Variants in C16orf46 observed in about 807,000 individuals in gnomAD.
C16orf46 encodes the protein uncharacterized protein C16orf46.
A neutral mutation model predicts 5.5 loss-of-function variants in C16orf46; 7 were observed. That is an observed-to-expected ratio of 1.28 (90% CI 0.73 to 2.40). The LOEUF (loss-of-function observed/expected upper bound fraction) is 2.40. Among genes scored for constraint, C16orf46 ranks in the 30% most tolerant of loss-of-function variants. The pLI is 0.00. For missense variants in C16orf46, 614 were observed against 476.0 expected (o/e 1.29, Z -2.70); for synonymous variants, 200 against 184.1 (o/e 1.09, Z -0.70).
intron 2 of C16orf46, among the ~76,000 whole-genome samples, chr16:81,064,671 C>T (rs1020171410): frequency 2.2e-4 from 34 of 151,694 alleles, no homozygotes; most frequent in Non-Finnish European, 3.8e-4. Flanking sequence ...CACTTGAATC[C>T]GGGAGGTGGA....
At chr16:81,054,078 A>T in exon 4 of C16orf46, 1 of 1,612,614 alleles carries the variant, frequency 6.2e-7, no homozygotes, top group South Asian at 1.1e-5. Context: ...CTCCTACTTT[A>T]TCTTCTTTTT....
chr16:81,056,991 G>A (rs1971315932), downstream of C16orf46, among the ~76,000 whole-genome samples: 1 of 152,144 alleles, frequency 6.6e-6, no homozygotes, highest in African/African-American at 2.4e-5. Context: ...CCCTAAAGGG[G>A]CATTTGGGAA....
At chr16:81,072,659 TA>T (rs1971896485) in intron 1 of C16orf46, among the ~76,000 whole-genome samples, 1 of 152,072 alleles carries the variant, frequency 6.6e-6, no homozygotes, top group Non-Finnish European at 1.5e-5. Context: ...GCTGGGATTA[TA>T]GGCGTGAGCC....
chr16:81,075,689 T>G (rs938817510), intron 1 of C16orf46, among the ~76,000 whole-genome samples: 1 of 152,090 alleles, frequency 6.6e-6, no homozygotes, highest in African/African-American at 2.4e-5. Flanking sequence ...GCAGGAAAAA[T>G]TTCTGGGGTT....
rs1299295240 is a variant in C16orf46, at chr16:81,063,973, A to G, written c.-18T>C. 4 of 1,564,496 alleles carry G rather than the reference A, an allele frequency of 2.6e-6. No individual in the cohort carries two copies. The highest frequency in any genetic ancestry group is 1.7e-6 in the Non-Finnish European group (2 of 1,144,804). Reference sequence around the variant, plus strand: ...AGATCCATTACTGTGATGCTTGCTTAAAGTTTTTAACATCTTCTTGCTGTT... The same window carrying G: ...AGATCCATTACTGTGATGCTTGCTTGAAGTTTTTAACATCTTCTTGCTGTT... On this transcript the variant is annotated 5_prime_UTR_variant, in exon 3 of 4. Coordinates refer to ENST00000299578, the MANE Select transcript of C16orf46 (RefSeq NM_152337.3).
intron 1 of C16orf46, among the ~76,000 whole-genome samples, chr16:81,068,652 G>C (rs560309682): frequency 2.2e-5 from 3 of 133,358 alleles, no homozygotes; most frequent in South Asian, 2.4e-4. Flanking sequence ...CTCTCATTTT[G>C]GCTTCCCAAA....
intron 1 of C16orf46, among the ~76,000 whole-genome samples, chr16:81,076,238 GAC>G (rs1301790513): frequency 6.6e-6 from 1 of 152,168 alleles, no homozygotes; most frequent in Non-Finnish European, 1.5e-5. Flanking sequence ...GATCATTTGT[GAC>G]ACAGTTTCTA....
chr16:81,061,144 G>T lies in C16orf46; in HGVS notation c.*17C>A. ...ATCTCAAACGGTGCTTATTCCCAGG[G>T]GTTCTACCGCAACCGCTCAGAGGAT... is the stretch of plus-strand genomic sequence containing the variant. On this transcript the variant is annotated 3_prime_UTR_variant, in exon 4 of 4. Coordinates refer to ENST00000299578, the MANE Select transcript of C16orf46 (RefSeq NM_152337.3). The T allele has an allele frequency of 6.4e-7, 1 of 1,567,086 alleles. No homozygotes were observed. The highest frequency in any genetic ancestry group is 8.6e-7 in the Non-Finnish European group (1 of 1,156,816).
At position 81,066,206 on chromosome 16, in the gene C16orf46, G is replaced by A. The variant is rs1971650358; in HGVS notation, c.-52C>T. The A allele has an allele frequency of 6.6e-6, 1 of 151,818 alleles. No homozygotes were observed. Among genetic ancestry groups the A allele is most frequent in the Admixed American group, 6.6e-5 (1 of 15,206 alleles). 9.4% of individuals were successfully genotyped at this position (151,818 alleles called of 1,614,324 possible). A position where few individuals can be genotyped will look rare whatever the true frequency, so the allele number is the denominator to read the frequency against. The stretch of plus-strand genomic sequence containing the variant: ...ATTACTGCATACCAGATCACCAGAT[G>A]CACCTTCGGAACACTGGTGTACTTC... On this transcript the variant is annotated 5_prime_UTR_variant, in exon 2 of 4. Coordinates refer to ENST00000299578, the MANE Select transcript of C16orf46 (RefSeq NM_152337.3).
Position 81,061,631 on chromosome 16 carries a change from C to T in C16orf46, c.718G>A (p.Val240Met), listed in dbSNP as rs1223131435. 1.2e-6 allele frequency: 2 copies of T among 1,614,080 alleles called. No homozygotes were observed. The highest frequency in any genetic ancestry group is 1.7e-6 in the Non-Finnish European group (2 of 1,180,050). Residue 240 changes from valine to methionine, a missense_variant, in exon 4 of 4, where the codon GTG (valine) becomes ATG (methionine). By Grantham distance (21) the Val-to-Met change is conservative. Coordinates refer to ENST00000299578, the MANE Select transcript of C16orf46 (RefSeq NM_152337.3). ...CACCCATCCTTTTCCACATCCAGCACCTTCTCTTCTGACTGCAAGAAAGAG... is the reference window on the plus strand; with the variant it reads ...CACCCATCCTTTTCCACATCCAGCATCTTCTCTTCTGACTGCAAGAAAGAG... Reference protein sequence around the residue: ...KNSFLQSEEKVLDVEKDGCVA... With the variant: ...KNSFLQSEEKMLDVEKDGCVA...
At chr16:81,067,672 C>G (rs1199490799) in intron 1 of C16orf46, among the ~76,000 whole-genome samples, 3 of 152,114 alleles carry the variant, frequency 2.0e-5, no homozygotes, top group Non-Finnish European at 1.5e-5. Flanking sequence ...CCTGCCTCAG[C>G]CTCCCGAGTA....
At chr16:81,067,794 C>A (rs1341033569) in intron 1 of C16orf46, among the ~76,000 whole-genome samples, 2 of 152,012 alleles carry the variant, frequency 1.3e-5, no homozygotes, top group Non-Finnish European at 2.9e-5. Flanking sequence ...CTCAGGTGAT[C>A]CACCCATCTC....
At chr16:81,062,272 C>G (rs1014225418) in intron 3 of C16orf46, 134 bp from the exon 4 acceptor site, 1 of 682,662 alleles carries the variant, frequency 1.5e-6, no homozygotes, top group Non-Finnish European at 2.2e-6. Context: ...TTTACTACCC[C>G]TTCCCCCACT....
At position 81,061,005 on chromosome 16, in the gene C16orf46, C is replaced by T; in HGVS notation, c.*156G>A. The T allele has an allele frequency of 7.3e-7, 1 of 1,369,862 alleles. No individual in the cohort carries two copies. Among genetic ancestry groups the T allele is most frequent in the Non-Finnish European group, 9.3e-7 (1 of 1,072,184 alleles). The allele number at this position is 1,369,862 out of a possible 1,614,324, so 84.9% of individuals were successfully genotyped here. A position where few individuals can be genotyped will look rare whatever the true frequency, so the allele number is the denominator to read the frequency against. ...TGAGGTTCAGTTTTCTTCAGTTGTA[C>T]TACAAAAAAAAAATGGAGGAAAAGA... On this transcript the variant is annotated 3_prime_UTR_variant, in exon 4 of 4. Transcript: ENST00000299578.
intron 1 of C16orf46, among the ~76,000 whole-genome samples, chr16:81,071,112 T>G (rs183505198): frequency 5.3e-5 from 8 of 152,082 alleles, no homozygotes; most frequent in African/African-American, 1.9e-4. Flanking sequence ...GGCGATATGG[T>G]GAGTTATATT....
chr16:81,066,658 G>C (rs1971664461), intron 1 of C16orf46, among the ~76,000 whole-genome samples: 1 of 152,128 alleles, frequency 6.6e-6, no homozygotes, highest in Non-Finnish European at 1.5e-5. Context: ...TTTTATGTTG[G>C]AATGCAGACA....
At chr16:81,057,316 A>G (rs931091314), downstream of C16orf46, among the ~76,000 whole-genome samples, 1 of 152,148 alleles carries the variant, frequency 6.6e-6, no homozygotes, top group Non-Finnish European at 1.5e-5. Context: ...TGGGAGGCCA[A>G]GGCGGGCGCA....
Position 81,062,134 on chromosome 16 carries a change from T to C in C16orf46, c.215A>G (p.Gln72Arg). ...AGCTGGAGAAGTCCTTCCCCACCCT[T>C]GGACCTGCAAATAAAGCGGCATGTT... ...IIGTGWEEAV[Q>R]GWGRTSPAAC... The change falls in exon 4 of 4, where the codon CAA (glutamine) becomes CGA (arginine). Residue 72 changes from glutamine (Q) to arginine (R), a missense_variant. Coordinates refer to ENST00000299578, the MANE Select transcript of C16orf46 (RefSeq NM_152337.3). 3.8e-6 allele frequency: 6 copies of C among 1,567,204 alleles called. No individual in the cohort carries two copies. Among genetic ancestry groups the C allele is most frequent in the Non-Finnish European group, 5.2e-6 (6 of 1,161,200 alleles).
At chr16:81,075,759 G>T (rs1972016750) in intron 1 of C16orf46, among the ~76,000 whole-genome samples, 1 of 152,132 alleles carries the variant, frequency 6.6e-6, no homozygotes, top group South Asian at 2.1e-4. Flanking sequence ...TGTCTATATA[G>T]TCAGATTACA....
Sources: gnomAD v4.1 joint callset for allele counts (sites outside exome capture counted in the v4.1 genomes callset) on GRCh38, gnomAD v4.1.1 for gene constraint, MANE v1.5 for transcripts, NCBI Gene and HGNC (gene_info 2026-07-23, HGNC 2026-07-21) for gene names.